Variants in RPH3AL observed in about 807,000 individuals in gnomAD.
The protein encoded by RPH3AL is rabphilin 3A like (without C2 domains).
RPH3AL carries 38 observed loss-of-function variants against 43.1 expected under a neutral mutation model. That is an observed-to-expected ratio of 0.88 (90% CI 0.68 to 1.15). The LOEUF is 1.15. Among genes scored for constraint, RPH3AL ranks in the 50% most tolerant of loss-of-function variants. The probability of loss-of-function intolerance (pLI) is 0.00; values close to 1 mark genes in which losing one functional copy is unlikely to be tolerated. For synonymous variants in RPH3AL, 189 were observed against 176.3 expected, an observed-to-expected ratio of 1.07 and a Z score of -0.57; for missense variants, 462 against 423.2, an observed-to-expected ratio of 1.09 and a Z score of -0.81.
chr17:324,447 C>T (rs1231117091), intron 3 of RPH3AL, among the ~76,000 whole-genome samples: 1 of 152,182 alleles, frequency 6.6e-6, no homozygotes, highest in Non-Finnish European at 1.5e-5. Flanking sequence ...GGGCACCTGA[C>T]ATCGATGGGC....
intron 8 of RPH3AL, among the ~76,000 whole-genome samples, chr17:218,115 A>G (rs2040855081): frequency 6.7e-6 from 1 of 149,114 alleles, no homozygotes; most frequent in Non-Finnish European, 1.5e-5. Context: ...CTTCTGCACT[A>G]AAATTGGCCT....
At chr17:241,719 TTC>T (rs1491195878) in intron 7 of RPH3AL, among the ~76,000 whole-genome samples, 5 of 99,528 alleles carry the variant, frequency 5.0e-5, no homozygotes, top group Middle Eastern at 5.4e-3. Flanking sequence ...TTCTTTTTTT[TTC>T]TTTTTTTTTT....
intron 7 of RPH3AL, among the ~76,000 whole-genome samples, chr17:230,815 C>G (rs4890193): frequency 0.57 from 86,501 of 151,974 alleles, 24,732 homozygotes; most frequent in Non-Finnish European, 0.58. Context: ...TGTTCTTCCA[C>G]CTCATCTCTT....
chr17:275,373 G>A (rs947918540), intron 6 of RPH3AL, among the ~76,000 whole-genome samples: 1 of 152,062 alleles, frequency 6.6e-6, no homozygotes, highest in African/African-American at 2.4e-5. Context: ...CAACATGGGT[G>A]AATTTCAAGA....
At chr17:232,922 G>C (rs1243239317) in intron 7 of RPH3AL, among the ~76,000 whole-genome samples, 2 of 148,718 alleles carry the variant, frequency 1.3e-5, no homozygotes, top group Non-Finnish European at 3.0e-5. Context: ...AAAAATCCCA[G>C]GTACTTCCAG....
In RPH3AL at chr17:247,251, C is replaced by T. The variant is rs1319848774; in HGVS notation, c.473G>A (p.Gly158Glu). 6.2e-7 allele frequency: 1 copy of T among 1,604,712 alleles called. No homozygotes were observed. Among genetic ancestry groups the T allele is most frequent in the South Asian group, 1.1e-5 (1 of 90,032 alleles). Residue 158 changes from glycine to glutamate, a missense_variant, in exon 7 of 10, where the codon GGG becomes GAG. Coordinates refer to ENST00000331302, the MANE Select transcript of RPH3AL (RefSeq NM_006987.4). ...WKRSGAWFYK[G>E]LPKYILPLKT... ...CAGGGGCAAGATATACTTGGGGAGC[C>T]CTTTGTAGAACCAGGCCCCCGACCT...
intron 5 of RPH3AL, among the ~76,000 whole-genome samples, chr17:308,180 GATGAA>G (rs1292706753): frequency 2.6e-5 from 4 of 152,258 alleles, no homozygotes; most frequent in African/African-American, 9.6e-5. Flanking sequence ...AGGCGACTGA[GATGAA>G]ATGGCTCAAG....
chr17:247,860 C>T (rs2041803928), intron 6 of RPH3AL, among the ~76,000 whole-genome samples: 1 of 152,226 alleles, frequency 6.6e-6, no homozygotes. Flanking sequence ...GCCCACAAGC[C>T]ACCAGGCACT....
intron 5 of RPH3AL, among the ~76,000 whole-genome samples, chr17:312,097 T>A (rs1598070690): frequency 6.6e-6 from 1 of 151,884 alleles, no homozygotes; most frequent in African/African-American, 2.4e-5. Flanking sequence ...TGAGGGCTAG[T>A]TAGAGACCAG....
intron 6 of RPH3AL, among the ~76,000 whole-genome samples, chr17:257,073 C>A: frequency 1.9e-5 from 1 of 51,284 alleles, no homozygotes; most frequent in Non-Finnish European, 4.5e-5. Context: ...CGGCGTCTGT[C>A]CTTTTCCATC....
chr17:229,882 T>C (rs1320316862), intron 7 of RPH3AL, among the ~76,000 whole-genome samples: 5 of 151,570 alleles, frequency 3.3e-5, no homozygotes, highest in Non-Finnish European at 2.9e-5. Context: ...TAGGGAGGGG[T>C]CCACTGGCAG....
chr17:238,792 A>T (rs1045531597), intron 7 of RPH3AL, among the ~76,000 whole-genome samples: 1 of 152,194 alleles, frequency 6.6e-6, no homozygotes, highest in African/African-American at 2.4e-5. Flanking sequence ...CTTGAAGGCA[A>T]GAAGCCTGTG....
At position 215,881 on chromosome 17, in the gene RPH3AL, C is replaced by T; in HGVS notation, c.728-79G>A. 1 of 1,250,000 alleles carries T rather than the reference C, an allele frequency of 8.0e-7. No individual in the cohort carries two copies. 77.4% of individuals were successfully genotyped at this position (1,250,000 alleles called of 1,614,324 possible). A position where few individuals can be genotyped will look rare whatever the true frequency, so the allele number is the denominator to read the frequency against. On this transcript the variant is annotated intron_variant, in intron 8 of 9. Transcript: ENST00000331302. This position sits in a 1 kb window ranked among gnomAD's most constrained non-coding sequence, Gnocchi z 4.1. The stretch of plus-strand genomic sequence containing the variant: ...TCAGTCCAGTTCCTCGTTTGGAACT[C>T]TAGATCTCTATGGGATGTCTGCCCC...
At chr17:278,981 C>T (rs557651732) in intron 6 of RPH3AL, among the ~76,000 whole-genome samples, 99 of 152,098 alleles carry the variant, frequency 6.5e-4, no homozygotes, top group Non-Finnish European at 1.2e-3. Context: ...AAGTGAAGCA[C>T]GAAAGGAAAG....
At chr17:299,065 G>C (rs1031379678) in intron 5 of RPH3AL, among the ~76,000 whole-genome samples, 37 of 151,930 alleles carry the variant, frequency 2.4e-4, no homozygotes, top group Admixed American at 6.6e-5. Context: ...GAAGGCTTCG[G>C]GGGGAGGGAG....
chr17:260,484 G>C (rs189062154), intron 6 of RPH3AL, among the ~76,000 whole-genome samples: 1 of 152,192 alleles, frequency 6.6e-6, no homozygotes. Context: ...GAAAGCAGAG[G>C]CACTGTCTCC....
intron 2 of RPH3AL, chr17:331,041 C>G (rs1757384404): frequency 6.7e-6 from 1 of 149,050 alleles, no homozygotes; most frequent in African/African-American, 2.5e-5. Context: ...CTGATTTGGA[C>G]CCTGCTGAGT....
chr17:297,436 T>C (rs893647787), intron 5 of RPH3AL, among the ~76,000 whole-genome samples: 2 of 152,160 alleles, frequency 1.3e-5, no homozygotes, highest in Non-Finnish European at 2.9e-5. Context: ...GTGACTGGCA[T>C]CTGAGGCGGG....
chr17:348,945 T>C (rs1458086709), intron 1 of RPH3AL: 1 of 152,234 alleles, frequency 6.6e-6, no homozygotes, highest in African/African-American at 2.4e-5. Flanking sequence ...TCCATTGTGC[T>C]GGCTCTGAAG....
Sources: gnomAD v4.1 joint callset for allele counts (sites outside exome capture counted in the v4.1 genomes callset) on GRCh38, gnomAD v4.1.1 for gene constraint, Gnocchi (gnomAD v3.1) non-coding constraint, MANE v1.5 for transcripts, NCBI Gene and HGNC (gene_info 2026-07-23, HGNC 2026-07-21) for gene names.